The following TRABD2B variants were observed in gnomAD, a reference collection of about 807,000 sequenced individuals.
TRABD2B encodes the protein TraB domain containing 2B.
A neutral mutation model predicts 40.1 loss-of-function variants in TRABD2B; 14 were observed. The ratio of observed to expected loss-of-function variants is 0.35; its 90% CI spans 0.23 to 0.55. The LOEUF (loss-of-function observed/expected upper bound fraction) is 0.55, where lower values mean the gene tolerates loss of function less well. Among genes scored for constraint, TRABD2B ranks in the 20% least tolerant of loss-of-function variants. The pLI is 0.90. For missense variants in TRABD2B, 541 were observed against 648.6 expected (o/e 0.83, Z 1.80); for synonymous variants, 263 against 277.0 (o/e 0.95, Z 0.50).
chr1:47,994,252 G>C lies in TRABD2B; in HGVS notation c.448C>G (p.Leu150Val), dbSNP rs1646055984. ...CAGTTGCCCGCGATGGCATTGAATA[G>C]GTAGTCAGCATAGAGCCCCTTGCCC... is the stretch of plus-strand genomic sequence containing the variant. Reference protein sequence around the residue: ...QRGKGLYADYLFNAIAGNWER... With the variant: ...QRGKGLYADYVFNAIAGNWER... Residue 150 changes from leucine (L) to valine (V), a missense_variant, in exon 2 of 7, where the codon CTA becomes GTA. This residue lies in a region of TRABD2B where 369 missense variants were observed against 492.8 expected (regional missense o/e 0.75). Coordinates refer to ENST00000606738, the MANE Select transcript of TRABD2B (RefSeq NM_001194986.2). The surrounding 1 kb of genome is among the most constrained non-coding windows in gnomAD (Gnocchi z 6.7). The C allele has an allele frequency of 6.5e-7, 1 of 1,539,300 alleles. No individual in the cohort carries two copies. The highest frequency in any genetic ancestry group is 1.4e-5 in the African/African-American group (1 of 73,182).
Position 47,778,484 on chromosome 1 carries a change from T to G in TRABD2B, c.1049A>C (p.Asp350Ala), listed in dbSNP as rs1470802230. The G allele has an allele frequency of 6.5e-7, 1 of 1,535,982 alleles. No individual in the cohort carries two copies. The highest frequency in any genetic ancestry group is 8.7e-7 in the Non-Finnish European group (1 of 1,146,898). Residue 350 changes from aspartate (D) to alanine (A), a missense_variant, in exon 5 of 7, where the codon GAC becomes GCC. Asp to Ala is a moderately radical substitution (Grantham distance 126). Transcript: ENST00000606738. ...DILRQAGLEV[D>A]HTPAGQAIHS... Reference sequence around the variant, plus strand: ...TATGGCCTGCCCGGCGGGTGTGTGGTCCACCTCCAGCCCTGCCTGCCGCAG... The same window carrying G: ...TATGGCCTGCCCGGCGGGTGTGTGGGCCACCTCCAGCCCTGCCTGCCGCAG...
intron 2 of TRABD2B, among the ~76,000 whole-genome samples, chr1:47,879,074 T>A (rs907398720): frequency 6.6e-6 from 1 of 150,506 alleles, no homozygotes; most frequent in Non-Finnish European, 1.5e-5. Flanking sequence ...CACCACACTC[T>A]AGCCTGGGTG....
Position 47,839,534 on chromosome 1 carries a change from C to T in TRABD2B, c.667-37915G>A, listed in dbSNP as rs564682934. Among the ~76,000 whole-genome samples the T allele has an allele frequency of 1.9e-4, 29 of 152,338 alleles. 1 individual carries two copies. In the South Asian group the frequency reaches 5.8e-3, roughly 31 times the overall value. The stretch of plus-strand genomic sequence containing the variant: ...TCCACCCAGAGTAGTGGATCAACCT[C>T]CTCTCTGGATCCCTGCCATCCACGC... On this transcript the variant is annotated intron_variant, in intron 2 of 6. Transcript: ENST00000606738.
chr1:47,969,896 C>T (rs71645886), intron 2 of TRABD2B, among the ~76,000 whole-genome samples: 2,833 of 152,236 alleles, frequency 0.019, 35 homozygotes, highest in Non-Finnish European at 0.029. Context: ...TCCCTCGAAG[C>T]TGCCCCTTCC....
intron 2 of TRABD2B, among the ~76,000 whole-genome samples, chr1:47,883,206 T>C (rs183823104): frequency 2.6e-5 from 4 of 152,184 alleles, no homozygotes; most frequent in South Asian, 2.1e-4. Context: ...ACTAAATACC[T>C]TGTCCAAGGC....
At position 47,794,660 on chromosome 1, in the gene TRABD2B, T is replaced by C; in HGVS notation, c.914A>G (p.Glu305Gly). 3.3e-6 allele frequency: 5 copies of C among 1,536,774 alleles called. No individual in the cohort carries two copies. The highest frequency in any genetic ancestry group is 4.4e-6 in the Non-Finnish European group (5 of 1,146,946). The change falls in exon 4 of 7, where the codon GAG (glutamate) becomes GGG (glycine). Residue 305 changes from glutamate (E) to glycine (G), a missense_variant. By Grantham distance (98) the Glu-to-Gly change is moderately conservative. This residue lies in a region of TRABD2B where 369 missense variants were observed against 492.8 expected (regional missense o/e 0.75). Coordinates refer to ENST00000606738, the MANE Select transcript of TRABD2B (RefSeq NM_001194986.2). ...FRQELIYKRN[E>G]RMGKRVMALL... ...CGCCATGACCCTCTTCCCCATGCGC[T>C]CATTCCTCTTGTAGATGAGCTCCTG...
chr1:47,789,778 G>A (rs897135551), intron 4 of TRABD2B, among the ~76,000 whole-genome samples: 2 of 151,934 alleles, frequency 1.3e-5, no homozygotes, highest in African/African-American at 4.8e-5. Context: ...CTCCACCCAA[G>A]GCGTCCTCCT....
intron 2 of TRABD2B, among the ~76,000 whole-genome samples, chr1:47,893,228 T>C (rs541389641): frequency 7.6e-4 from 115 of 152,002 alleles, no homozygotes; most frequent in African/African-American, 2.7e-3. Context: ...TATATAGTTT[T>C]CAAATATCTA....
chr1:47,794,708 T>A lies in TRABD2B; in HGVS notation c.866A>T (p.Gln289Leu). The A allele has an allele frequency of 6.5e-7, 1 of 1,535,174 alleles. No individual in the cohort carries two copies. The highest frequency in any genetic ancestry group is 8.7e-7 in the Non-Finnish European group (1 of 1,146,322). ...TLPPHEQVTAQEIDSYFRQEL... is the reference protein window; with the variant it reads ...TLPPHEQVTALEIDSYFRQEL... ...CTGGCGGAAGTAGCTGTCAATCTCC[T>A]GGGCCGTCACCTGCTCGTGTGGCGG... The change falls in exon 4 of 7, where the codon CAG becomes CTG. Residue 289 changes from glutamine to leucine, a missense_variant. Physicochemically the swap from Gln to Leu is moderately radical, Grantham distance 113. Transcript: ENST00000606738.
intron 2 of TRABD2B, among the ~76,000 whole-genome samples, chr1:47,932,740 C>T (rs1645055697): frequency 6.6e-6 from 1 of 152,176 alleles, no homozygotes; most frequent in Non-Finnish European, 1.5e-5. Flanking sequence ...AGGTAACAGT[C>T]CCAGCCCCAC....
At chr1:47,991,622 G>A (rs1372483075) in intron 2 of TRABD2B, among the ~76,000 whole-genome samples, 2 of 151,978 alleles carry the variant, frequency 1.3e-5, no homozygotes, top group African/African-American at 2.4e-5. Context: ...TTTCTGTCCA[G>A]AAAAAAATAC....
chr1:47,831,372 A>T (rs552777792), intron 2 of TRABD2B, among the ~76,000 whole-genome samples: 8 of 152,276 alleles, frequency 5.3e-5, no homozygotes, highest in African/African-American at 1.9e-4. Context: ...GTCAGAATGG[A>T]TTTAAAATAC....
At chr1:47,938,349 C>T (rs965663394) in intron 2 of TRABD2B, among the ~76,000 whole-genome samples, 2 of 152,206 alleles carry the variant, frequency 1.3e-5, no homozygotes, top group Non-Finnish European at 2.9e-5. Context: ...AGTCCCAGCT[C>T]TATCTGTCTC....
At chr1:47,972,959 T>G (rs1006918449) in intron 2 of TRABD2B, among the ~76,000 whole-genome samples, 14 of 152,202 alleles carry the variant, frequency 9.2e-5, no homozygotes, top group African/African-American at 3.1e-4. Flanking sequence ...TTGTGTACTC[T>G]TTACTGGACA....
intron 2 of TRABD2B, among the ~76,000 whole-genome samples, chr1:47,823,975 T>C (rs1645143289): frequency 6.6e-6 from 1 of 152,180 alleles, no homozygotes; most frequent in African/African-American, 2.4e-5. Context: ...TGCCTGATAA[T>C]GTGGACAGCT....
At position 47,765,696 on chromosome 1, in the gene TRABD2B, G is replaced by A. The variant is rs1644292788; in HGVS notation, c.*206C>T. 3.3e-6 allele frequency: 2 copies of A among 603,584 alleles called. No homozygotes were observed. The highest frequency in any genetic ancestry group is 5.9e-6 in the Non-Finnish European group (2 of 340,100). The allele number at this position is 603,584 out of a possible 1,614,324, so 37.4% of individuals were successfully genotyped here. A position where few individuals can be genotyped will look rare whatever the true frequency, so the allele number is the denominator to read the frequency against. On this transcript the variant is annotated 3_prime_UTR_variant, in exon 7 of 7. Coordinates refer to ENST00000606738, the MANE Select transcript of TRABD2B (RefSeq NM_001194986.2). ...ATATGGACACGTATTTTACAAAAGA[G>A]CCCCATAGCACTATGGGAAATTAAG...
chr1:47,831,813 T>C (rs992759279), intron 2 of TRABD2B, among the ~76,000 whole-genome samples: 3 of 152,158 alleles, frequency 2.0e-5, no homozygotes, highest in African/African-American at 7.2e-5. Flanking sequence ...AGCACCTGGC[T>C]CTTTCTCCTC....
At chr1:47,934,404 A>G (rs1314477016) in intron 2 of TRABD2B, among the ~76,000 whole-genome samples, 3 of 152,202 alleles carry the variant, frequency 2.0e-5, no homozygotes, top group Non-Finnish European at 4.4e-5. Context: ...GGTAAGGCGC[A>G]TTCTTCTGGC....
intron 2 of TRABD2B, among the ~76,000 whole-genome samples, chr1:47,869,325 C>T (rs1434959983): frequency 1.6e-4 from 24 of 152,170 alleles, no homozygotes; most frequent in Admixed American, 1.6e-3. Flanking sequence ...CTTGTTGAAC[C>T]TAAGACAAAT....
Sources: allele counts gnomAD v4.1 joint callset (sites outside exome capture counted in the v4.1 genomes callset), GRCh38; gene constraint gnomAD v4.1.1; regional missense constraint gnomAD v4.1.1; non-coding constraint Gnocchi (gnomAD v3.1); transcripts MANE v1.5; gene names NCBI Gene and HGNC (gene_info 2026-07-23, HGNC 2026-07-21).